Variants in ACACA observed in about 807,000 individuals in gnomAD.
ACACA encodes acetyl-CoA carboxylase alpha, also known as acetyl-CoA carboxylase 1.
Under a neutral mutation model 296.1 loss-of-function variants are expected in ACACA, and 103 were observed. The ratio of observed to expected loss-of-function variants is 0.35; its 90% CI spans 0.30 to 0.41. The LOEUF (loss-of-function observed/expected upper bound fraction) is 0.41. ACACA is among the 10% of genes least tolerant of loss of function. The probability of loss-of-function intolerance (pLI) is 1.00; values close to 1 mark genes in which losing one functional copy is unlikely to be tolerated. For missense variants in ACACA, 1,554 were observed against 2,989.7 expected (o/e 0.52, Z 11.20); for synonymous variants, 953 against 1,038.6 (o/e 0.92, Z 1.58).
intron 9 of ACACA, 65 bp from the exon 10 acceptor site, chr17:37,270,926 C>A: frequency 1.7e-6 from 2 of 1,207,320 alleles, no homozygotes. Context: ...AGAAAACTGG[C>A]ATTTTTCTCC....
intron 23 of ACACA, 80 bp downstream of exon 23, chr17:37,241,873 T>G: frequency 8.7e-7 from 1 of 1,146,268 alleles, no homozygotes; most frequent in Non-Finnish European, 1.3e-6. Flanking sequence ...AAATCTGAGG[T>G]AAATTTTTTT....
At chr17:37,365,036 G>A (rs925157538) in intron 1 of ACACA, among the ~76,000 whole-genome samples, 1 of 152,034 alleles carries the variant, frequency 6.6e-6, no homozygotes, top group Non-Finnish European at 1.5e-5. Flanking sequence ...TCAGTAGCGT[G>A]CTGTCAGATC....
At position 37,206,842 on chromosome 17, in the gene ACACA, G is replaced by A; in HGVS notation, c.3889C>T (p.Pro1297Ser). ...TCAGGGAATGTGGGACTCTGGGGTG[G>A]GGAGTCAGAGAAGCAGCCCATCACT... ...DEVMGCFSDS[P>S]PQSPTFPEAG... Residue 1297 changes from proline to serine, a missense_variant, in exon 32 of 56, where the codon CCA (proline) becomes TCA (serine). This residue lies in a region of ACACA where 179 missense variants were observed against 283.2 expected (regional missense o/e 0.63). Coordinates refer to ENST00000616317, the MANE Select transcript of ACACA (RefSeq NM_198834.3). 1.2e-6 allele frequency: 2 copies of A among 1,613,798 alleles called. No homozygotes were observed. Among genetic ancestry groups the A allele is most frequent in the Non-Finnish European group, 1.7e-6 (2 of 1,179,740 alleles).
chr17:37,309,462 C>T (rs549286502), intron 3 of ACACA, among the ~76,000 whole-genome samples: 1 of 151,970 alleles, frequency 6.6e-6, no homozygotes, highest in East Asian at 1.9e-4. Flanking sequence ...TTACTAAAAA[C>T]ATTACAAATT....
At chr17:37,276,128 A>C in intron 7 of ACACA, 79 bp from the exon 8 acceptor site, 1 of 1,042,080 alleles carries the variant, frequency 9.6e-7, no homozygotes. Flanking sequence ...CTTGTATTAT[A>C]GCTATTTATG....
chr17:37,173,142 G>C (rs545410262), intron 41 of ACACA, among the ~76,000 whole-genome samples: 32 of 152,146 alleles, frequency 2.1e-4, no homozygotes, highest in African/African-American at 7.7e-4. Context: ...TAAATATTTG[G>C]GTCCTGTGTT....
At chr17:37,336,451 A>G (rs2048123563) in intron 2 of ACACA, among the ~76,000 whole-genome samples, 3 of 152,202 alleles carry the variant, frequency 2.0e-5, no homozygotes, top group African/African-American at 7.2e-5. Flanking sequence ...CCGGGCTTGC[A>G]ACTTAGCTCA....
intron 1 of ACACA, among the ~76,000 whole-genome samples, chr17:37,362,970 T>C (rs1290226443): frequency 3.2e-5 from 4 of 125,246 alleles, no homozygotes; most frequent in African/African-American, 6.3e-5. Context: ...CGAGACTCCG[T>C]CTCAAAAAAA....
intron 3 of ACACA, among the ~76,000 whole-genome samples, chr17:37,298,538 T>G (rs541445429): frequency 1.3e-5 from 2 of 151,766 alleles, no homozygotes; most frequent in African/African-American, 4.8e-5. Flanking sequence ...GAAAAAAAAA[T>G]TAGCCAGGCA....
chr17:37,101,195 A>T (rs2073345009), intron 52 of ACACA, among the ~76,000 whole-genome samples: 1 of 152,208 alleles, frequency 6.6e-6, no homozygotes, highest in African/African-American at 2.4e-5. Flanking sequence ...TACACATGTG[A>T]ATATGCAGAA....
intron 45 of ACACA, among the ~76,000 whole-genome samples, chr17:37,149,197 G>A (rs1314269108): frequency 1.3e-5 from 2 of 152,086 alleles, no homozygotes; most frequent in Non-Finnish European, 2.9e-5. Context: ...ATCTTTCTTT[G>A]GAAGGGAAGA....
chr17:37,189,075 C>T (rs1004198489), intron 38 of ACACA, among the ~76,000 whole-genome samples: 1 of 152,124 alleles, frequency 6.6e-6, no homozygotes, highest in Non-Finnish European at 1.5e-5. Flanking sequence ...CTAAGTCCAC[C>T]TAGGATTTAA....
In ACACA at chr17:37,191,234, T is replaced by A; in HGVS notation, c.4458A>T (p.Leu1486=). Residue 1486 remains leucine, a synonymous_variant, in exon 38 of 56, where the codon CTA becomes CTT. Coordinates refer to ENST00000616317, the MANE Select transcript of ACACA (RefSeq NM_198834.3). ...FEYLQNEGER[L]LLEAMDELEV... is the part of the protein sequence containing the mutation. ...CCAACTCATCCATGGCTTCCAGGAG[T>A]AGCCGCTCCCCTTCATTTTGCAGAT... is the stretch of plus-strand genomic sequence containing the variant. The A allele has an allele frequency of 6.2e-7, 1 of 1,613,970 alleles. No homozygotes were observed. The highest frequency in any genetic ancestry group is 8.5e-7 in the Non-Finnish European group (1 of 1,179,972).
At chr17:37,270,885 A>C (rs780321102) in intron 9 of ACACA, 24 bp from the exon 10 acceptor site, 1 of 1,581,106 alleles carries the variant, frequency 6.3e-7, no homozygotes. Flanking sequence ...GAAAAAAAAA[A>C]TAGAAGAAAC....
At chr17:37,254,376 C>A (rs2146141917) in intron 14 of ACACA, among the ~76,000 whole-genome samples, 1 of 152,270 alleles carries the variant, frequency 6.6e-6, no homozygotes, top group South Asian at 2.1e-4. Context: ...TGTTGCCCAC[C>A]TCTGTCCTCC....
chr17:37,201,894 T>C (rs1293370496), intron 33 of ACACA, among the ~76,000 whole-genome samples: 5 of 152,190 alleles, frequency 3.3e-5, no homozygotes, highest in Non-Finnish European at 4.4e-5. Flanking sequence ...TGCGATGGCA[T>C]TGCTGAGTAA....
chr17:37,377,885 G>A, intron 1 of ACACA: 7 of 1,612,150 alleles, frequency 4.3e-6, no homozygotes, highest in Non-Finnish European at 5.9e-6. Flanking sequence ...CCAGACCTCA[G>A]AGATAGCAGT....
intron 10 of ACACA, among the ~76,000 whole-genome samples, chr17:37,270,229 G>A (rs1353610244): frequency 6.6e-6 from 1 of 152,214 alleles, no homozygotes; most frequent in Non-Finnish European, 1.5e-5. Context: ...AGGGTATAGA[G>A]TGCTGGGACA....
chr17:37,206,468 T>C (rs1216405685), intron 32 of ACACA, among the ~76,000 whole-genome samples: 3 of 152,138 alleles, frequency 2.0e-5, no homozygotes, highest in Admixed American at 1.3e-4. Context: ...ATATAAGCCA[T>C]GGCTGAGTAA....
Sources: gnomAD v4.1 joint callset for allele counts (sites outside exome capture counted in the v4.1 genomes callset) on GRCh38, gnomAD v4.1.1 for gene constraint, gnomAD v4.1.1 regional missense constraint, MANE v1.5 for transcripts, NCBI Gene and HGNC (gene_info 2026-07-23, HGNC 2026-07-21) for gene names.